The following HS1BP3 variants were observed in gnomAD, a reference collection of about 807,000 sequenced individuals.
HS1BP3 encodes the protein HCLS1 binding protein 3.
Under a neutral mutation model 33.5 loss-of-function variants are expected in HS1BP3, and 32 were observed. The observed-to-expected ratio is 0.95, with a 90% confidence interval of 0.72 to 1.28. The LOEUF (loss-of-function observed/expected upper bound fraction) is 1.28. Among genes scored for constraint, HS1BP3 ranks in the 50% most tolerant of loss-of-function variants. The probability of loss-of-function intolerance (pLI) is 0.00; values close to 1 mark genes in which losing one functional copy is unlikely to be tolerated. For synonymous variants in HS1BP3, 187 were observed against 209.2 expected (o/e 0.89, Z 0.92); for missense variants, 486 against 502.3 (o/e 0.97, Z 0.31).
In HS1BP3 at chr2:20,618,260, AT is replaced by A. The variant is rs1694478961; in HGVS notation, c.*726del. ...GAACTGGGGCCTAGCAGGGCCGTCT[AT>A]ACCCTGGAGAGGCAGGGCCTGACTT... is the stretch of plus-strand genomic sequence containing the variant. On this transcript the variant is annotated 3_prime_UTR_variant, in exon 7 of 7. Transcript: ENST00000304031. The A allele has an allele frequency of 6.6e-6, 1 of 152,358 alleles. No homozygotes were observed. Among genetic ancestry groups the A allele is most frequent in the Non-Finnish European group, 1.5e-5 (1 of 68,146 alleles). 9.4% of individuals were successfully genotyped at this position (152,358 alleles called of 1,614,324 possible).
chr2:20,637,379 C>T (rs1044656751), intron 4 of HS1BP3: 1 of 152,270 alleles, frequency 6.6e-6, no homozygotes, highest in Non-Finnish European at 1.5e-5. Context: ...TCACCCACTA[C>T]TCTGGCTGCC....
At chr2:20,637,624 G>C (rs967376405) in intron 4 of HS1BP3, 3 of 151,992 alleles carry the variant, frequency 2.0e-5, no homozygotes, top group African/African-American at 4.8e-5. Flanking sequence ...CCACGAAGAA[G>C]GCCTTTCCAG....
intron 2 of HS1BP3, among the ~76,000 whole-genome samples, chr2:20,642,683 A>G (rs1695393864): frequency 2.6e-5 from 4 of 152,214 alleles, no homozygotes; most frequent in Admixed American, 2.6e-4. Context: ...CCGGAGCTGT[A>G]GGCCTGGGCT....
chr2:20,563,247 A>G (rs953679748), intron 5 of HS1BP3, among the ~76,000 whole-genome samples: 3 of 152,200 alleles, frequency 2.0e-5, no homozygotes, highest in African/African-American at 7.2e-5. Context: ...GCAGAGCCAG[A>G]TCTCTCTAAG....
rs558674224 is a variant in HS1BP3, at chr2:20,604,376, C to T, written c.179-6111G>A. On this transcript the variant is annotated intron_variant, in intron 2 of 3. Transcript: ENST00000415264. ...CCTGCTTTTAAAGACTGCCCCGGGA[C>T]AGCCTTGGGCATGGAGTTCTCTGTC... 3.9e-5 allele frequency among the ~76,000 whole-genome samples: 6 copies of T among 152,326 alleles called. No individual in the cohort carries two copies. The East Asian group carries it at 1.2e-3, about 29-fold the overall frequency.
chr2:20,576,866 G>C (rs556685740), intron 5 of HS1BP3, among the ~76,000 whole-genome samples: 75 of 152,210 alleles, frequency 4.9e-4, no homozygotes, highest in Non-Finnish European at 7.3e-4. Flanking sequence ...GTTACGTATA[G>C]AAGCAGTTGC....
chr2:20,599,010 G>GT (rs560565337), intron 2 of HS1BP3, among the ~76,000 whole-genome samples: 58 of 152,352 alleles, frequency 3.8e-4, no homozygotes, highest in African/African-American at 1.3e-3. Flanking sequence ...GCAGTGGGGA[G>GT]TGGGGGGAAT....
At chr2:20,640,944 T>G (rs1695320709) in intron 3 of HS1BP3, 29 bp downstream of exon 3, 1 of 1,609,938 alleles carries the variant, frequency 6.2e-7, no homozygotes, top group Non-Finnish European at 8.5e-7. Context: ...CGGGGAGACC[T>G]GAGGGACATG....
At chr2:20,585,959 C>T (rs1162156703) in intron 5 of HS1BP3, among the ~76,000 whole-genome samples, 1 of 152,224 alleles carries the variant, frequency 6.6e-6, no homozygotes, top group Non-Finnish European at 1.5e-5. Context: ...AGAAGTCACA[C>T]AGCTGGGAGG....
At chr2:20,646,146 G>A (rs751061829) in intron 1 of HS1BP3, among the ~76,000 whole-genome samples, 5 of 152,240 alleles carry the variant, frequency 3.3e-5, no homozygotes, top group Non-Finnish European at 7.3e-5. Flanking sequence ...ATTGTATGAT[G>A]AGCAAAGAAG....
At chr2:20,612,766 A>G (rs1694341300) in intron 2 of HS1BP3, among the ~76,000 whole-genome samples, 2 of 152,192 alleles carry the variant, frequency 1.3e-5, no homozygotes, top group Non-Finnish European at 2.9e-5. Flanking sequence ...TAAAGCTGCT[A>G]TGAACATCTG....
In HS1BP3 at chr2:20,643,775, A is replaced by G. The variant is rs552623034; in HGVS notation, c.198+1565T>C. On this transcript the variant is annotated intron_variant, in intron 2 of 6. Transcript: ENST00000304031. ...AGACACTATGTCTACCAAAAAAATTAAAAAAGAAAAAGCTGGGCATGGTGG... is the reference window on the plus strand; with the variant it reads ...AGACACTATGTCTACCAAAAAAATTGAAAAAGAAAAAGCTGGGCATGGTGG... Among the ~76,000 whole-genome samples the G allele has an allele frequency of 7.2e-4, 110 of 152,134 alleles. No homozygotes were observed. In the South Asian group the frequency reaches 0.021, roughly 29 times the overall value.
intron 5 of HS1BP3, among the ~76,000 whole-genome samples, chr2:20,562,741 A>G (rs1693031362): frequency 6.6e-6 from 1 of 152,350 alleles, no homozygotes; most frequent in Admixed American, 6.5e-5. Flanking sequence ...TAGTGTCAGA[A>G]TTGAATTCAA....
At chr2:20,577,927 C>T (rs2149274629) in intron 5 of HS1BP3, among the ~76,000 whole-genome samples, 1 of 152,394 alleles carries the variant, frequency 6.6e-6, no homozygotes, top group East Asian at 1.9e-4. Flanking sequence ...AGGCCTGCCT[C>T]AGGGCACTCG....
intron 5 of HS1BP3, among the ~76,000 whole-genome samples, chr2:20,565,945 G>T (rs990143452): frequency 6.6e-6 from 1 of 152,224 alleles, no homozygotes; most frequent in Non-Finnish European, 1.5e-5. Flanking sequence ...ATGGCTGAGC[G>T]CTCCAAGCTA....
At chr2:20,583,717 G>A (rs746459289) in intron 5 of HS1BP3, among the ~76,000 whole-genome samples, 1 of 152,262 alleles carries the variant, frequency 6.6e-6, no homozygotes, top group Non-Finnish European at 1.5e-5. Context: ...GTAGAGGAAG[G>A]GTATTCAGAT....
chr2:20,636,491 T>G (rs548983157), intron 4 of HS1BP3: 93 of 152,362 alleles, frequency 6.1e-4, no homozygotes, highest in African/African-American at 2.1e-3. Context: ...ACCCTGAACT[T>G]GAGTTTCCCA....
At chr2:20,587,767 AT>A (rs1441757742), downstream of HS1BP3, among the ~76,000 whole-genome samples, 5 of 152,344 alleles carry the variant, frequency 3.3e-5, no homozygotes, top group African/African-American at 9.6e-5. Context: ...AAATAAAAAA[AT>A]AAATAAGTAA....
At chr2:20,605,882 G>A (rs1694166584) in intron 2 of HS1BP3, among the ~76,000 whole-genome samples, 1 of 152,148 alleles carries the variant, frequency 6.6e-6, no homozygotes, top group Admixed American at 6.5e-5. Flanking sequence ...CCACCTTTTA[G>A]CTATTGTGAA....
Sources: allele counts gnomAD v4.1 joint callset (sites outside exome capture counted in the v4.1 genomes callset), GRCh38; gene constraint gnomAD v4.1.1; transcripts MANE v1.5; gene names NCBI Gene and HGNC (gene_info 2026-07-23, HGNC 2026-07-21).